Variants in IFNG-AS1 observed in about 807,000 individuals in gnomAD.
IFNG-AS1 encodes the protein IFNG antisense RNA 1 (non-protein coding).
intron 2 of IFNG-AS1, among the ~76,000 whole-genome samples, chr12:68,005,212 G>A (rs1879878262): frequency 1.3e-5 from 2 of 152,194 alleles, no homozygotes; most frequent in Admixed American, 6.5e-5. Context: ...TCTCCAGAGG[G>A]AAGATCTCTG....
intron 3 of IFNG-AS1, among the ~76,000 whole-genome samples, chr12:68,015,751 G>A (rs1173338138): frequency 1.3e-5 from 2 of 152,108 alleles, no homozygotes; most frequent in Non-Finnish European, 2.9e-5. Context: ...AAGGTCATAA[G>A]AACAAAGCAA....
intron 2 of IFNG-AS1, among the ~76,000 whole-genome samples, chr12:67,997,461 T>G (rs1443909441): frequency 6.6e-6 from 1 of 151,810 alleles, no homozygotes; most frequent in Non-Finnish European, 1.5e-5. Context: ...TAAGTTTAGA[T>G]CCATATCTCA....
chr12:68,017,355 A>G (rs1015060411), intron 3 of IFNG-AS1, among the ~76,000 whole-genome samples: 2 of 152,188 alleles, frequency 1.3e-5, no homozygotes, highest in African/African-American at 4.8e-5. Context: ...GGGCTGGAGT[A>G]TGATCCCATC....
chr12:68,004,609 CT>C (rs1405703853), intron 2 of IFNG-AS1, among the ~76,000 whole-genome samples: 6 of 152,234 alleles, frequency 3.9e-5, no homozygotes, highest in Admixed American at 6.5e-5. Context: ...CCATTTGCCC[CT>C]GGTTGTGCCT....
At chr12:67,998,527 G>A (rs928000566) in intron 2 of IFNG-AS1, among the ~76,000 whole-genome samples, 1 of 151,892 alleles carries the variant, frequency 6.6e-6, no homozygotes, top group Non-Finnish European at 1.5e-5. Context: ...ACAGGAAGGA[G>A]TTGGGGTGCA....
chr12:68,012,787 C>T (rs1314331933), intron 3 of IFNG-AS1, among the ~76,000 whole-genome samples: 35 of 152,182 alleles, frequency 2.3e-4, no homozygotes, highest in Admixed American at 2.1e-3. Flanking sequence ...TAAGGAAAGA[C>T]GACTAGCGAT....
At chr12:68,011,894 G>C (rs2120465584) in intron 3 of IFNG-AS1, among the ~76,000 whole-genome samples, 1 of 152,298 alleles carries the variant, frequency 6.6e-6, no homozygotes, top group Admixed American at 6.5e-5. Context: ...TTCTCCAGCA[G>C]ATTCCAATGC....
chr12:68,018,897 A>T (rs991465374), intron 3 of IFNG-AS1, among the ~76,000 whole-genome samples: 1 of 152,088 alleles, frequency 6.6e-6, no homozygotes, highest in African/African-American at 2.4e-5. Flanking sequence ...ACAGTGACCT[A>T]TCCCAGAGCA....
chr12:67,990,881 C>T (rs1020251784), intron 1 of IFNG-AS1, among the ~76,000 whole-genome samples: 1 of 151,692 alleles, frequency 6.6e-6, no homozygotes, highest in African/African-American at 2.4e-5. Context: ...CATGAGCCAC[C>T]GCTACATAAA....
At chr12:68,005,515 A>G (rs1879887686) in intron 2 of IFNG-AS1, among the ~76,000 whole-genome samples, 2 of 152,240 alleles carry the variant, frequency 1.3e-5, no homozygotes. Context: ...AAATCAAAAC[A>G]ATGATCCTTA....
At chr12:67,990,894 A>ATT (rs148384284) in intron 1 of IFNG-AS1, among the ~76,000 whole-genome samples, 1 of 151,606 alleles carries the variant, frequency 6.6e-6, no homozygotes, top group Admixed American at 6.6e-5. Context: ...TACATAAATA[A>ATT]TTTTTTTTTA....
At chr12:67,994,915 AG>A (rs1879599371) in intron 1 of IFNG-AS1, among the ~76,000 whole-genome samples, 1 of 152,376 alleles carries the variant, frequency 6.6e-6, no homozygotes, top group African/African-American at 2.4e-5. Context: ...TTTATGCCTC[AG>A]TTTCCTCATC....
chr12:67,997,084 A>G (rs1592820205), intron 2 of IFNG-AS1, among the ~76,000 whole-genome samples: 2 of 152,146 alleles, frequency 1.3e-5, no homozygotes, highest in Admixed American at 6.5e-5. Flanking sequence ...CTCATTTATA[A>G]TAACAACAAA....
chr12:68,010,119 A>G (rs1879993382), intron 3 of IFNG-AS1, among the ~76,000 whole-genome samples: 3 of 152,200 alleles, frequency 2.0e-5, no homozygotes, highest in Admixed American at 1.3e-4. Context: ...CCTAAGCTTT[A>G]TGGTGCTAAT....
chr12:68,020,099 G>C (rs1310051368), intron 4 of IFNG-AS1: 2 of 152,194 alleles, frequency 1.3e-5, no homozygotes, highest in African/African-American at 4.8e-5. Context: ...AGGATGCCTG[G>C]AAAGCCGGAC....
chr12:68,014,919 T>A (rs1001406312), intron 3 of IFNG-AS1, among the ~76,000 whole-genome samples: 1 of 152,176 alleles, frequency 6.6e-6, no homozygotes, highest in African/African-American at 2.4e-5. Context: ...AGATTAATTG[T>A]AATTCTTGGT....
intron 3 of IFNG-AS1, among the ~76,000 whole-genome samples, chr12:68,010,802 T>A (rs1028332071): frequency 6.6e-6 from 1 of 152,228 alleles, no homozygotes; most frequent in Admixed American, 6.5e-5. Flanking sequence ...CCAGGCCTCA[T>A]ACAATCATTT....
At chr12:68,010,680 G>T (rs1378177104) in intron 3 of IFNG-AS1, among the ~76,000 whole-genome samples, 1 of 152,112 alleles carries the variant, frequency 6.6e-6, no homozygotes, top group Non-Finnish European at 1.5e-5. Context: ...TTACAAAGTG[G>T]TAGTCAATGT....
At chr12:68,003,425 C>CTTTTT (rs755483588) in intron 2 of IFNG-AS1, among the ~76,000 whole-genome samples, 34 of 142,746 alleles carry the variant, frequency 2.4e-4, no homozygotes, top group African/African-American at 6.9e-4. Flanking sequence ...ATATTCCCCC[C>CTTTTT]TTTTTTTTTT....
Sources: gnomAD v4.1 joint callset for allele counts (sites outside exome capture counted in the v4.1 genomes callset) on GRCh38, gnomAD v4.1.1 for gene constraint, MANE v1.5 for transcripts, NCBI Gene and HGNC (gene_info 2026-07-23, HGNC 2026-07-21) for gene names.